The following ARFIP1 variants were observed in gnomAD, a reference collection of about 807,000 sequenced individuals.
The protein encoded by ARFIP1 is ARF interacting protein 1.
A neutral mutation model predicts 42.5 loss-of-function variants in ARFIP1; 24 were observed. That is an observed-to-expected ratio of 0.57 (90% CI 0.41 to 0.80). The LOEUF (loss-of-function observed/expected upper bound fraction) is 0.80, where lower values mean the gene tolerates loss of function less well. Among genes scored for constraint, ARFIP1 ranks in the 30% least tolerant of loss-of-function variants. ARFIP1 has a pLI of 0.00. For missense variants in ARFIP1, 354 were observed against 434.0 expected, an observed-to-expected ratio of 0.82 and a Z score of 1.64; for synonymous variants, 141 against 153.7, an observed-to-expected ratio of 0.92 and a Z score of 0.61.
intron 8 of ARFIP1, among the ~76,000 whole-genome samples, chr4:152,904,178 G>GTA (rs1167902273): frequency 4.9e-5 from 6 of 122,234 alleles, no homozygotes; most frequent in Admixed American, 1.7e-4. Flanking sequence ...ATGTGTGTGT[G>GTA]TGTATATATA....
chr4:152,820,861 A>G (rs1578867756), intron 1 of ARFIP1, among the ~76,000 whole-genome samples: 3 of 152,328 alleles, frequency 2.0e-5, no homozygotes, highest in East Asian at 1.9e-4. Context: ...AAGACTCTAC[A>G]TAACCAAGGA....
rs1730376045 is a variant in ARFIP1 at position 152,779,968 on chromosome 4, C to T, written c.-268C>T. The T allele has an allele frequency of 6.6e-6, 1 of 152,580 alleles. No individual in the cohort carries two copies. Among genetic ancestry groups the T allele is most frequent in the East Asian group, 1.9e-4 (1 of 5,188 alleles). 9.5% of individuals were successfully genotyped at this position (152,580 alleles called of 1,614,324 possible). ...CTACTTCCGGTCTCCTCACTTCCGG[C>T]TTCGCTGCTCTTGGTTCTGGTTCTG... On this transcript the variant is annotated 5_prime_UTR_variant, in exon 1 of 9. Transcript: ENST00000353617.
intron 8 of ARFIP1, 129 bp from the exon 9 acceptor site, chr4:152,909,935 C>T (rs891115342): frequency 9.2e-6 from 11 of 1,198,420 alleles, no homozygotes; most frequent in Admixed American, 2.3e-5. Flanking sequence ...GTGTGAAATA[C>T]TTGGTCATTA....
intron 8 of ARFIP1, among the ~76,000 whole-genome samples, chr4:152,907,626 G>T (rs1738478188): frequency 6.6e-6 from 1 of 152,128 alleles, no homozygotes; most frequent in Admixed American, 6.5e-5. Context: ...TGAACTCTAT[G>T]TAAGTGGAAT....
intron 2 of ARFIP1, among the ~76,000 whole-genome samples, chr4:152,837,678 G>T (rs1561132864): frequency 6.6e-6 from 1 of 152,112 alleles, no homozygotes; most frequent in Non-Finnish European, 1.5e-5. Context: ...CTGGATATTA[G>T]TCCTTTGTCA....
chr4:152,859,610 C>T lies in ARFIP1; in HGVS notation c.94-3996C>T, dbSNP rs535151364. 1.8e-4 allele frequency among the ~76,000 whole-genome samples: 28 copies of T among 152,198 alleles called. No individual in the cohort carries two copies. The South Asian group carries it at 4.2e-3, about 23-fold the overall frequency. ...TCTTTGTTTATGAAAACATTCCTAT[C>T]CCTACTGAAGGTACTTATTTTTAAT... On this transcript the variant is annotated intron_variant, in intron 2 of 8. Transcript: ENST00000353617.
chr4:152,794,793 A>G (rs1014483432), intron 1 of ARFIP1, among the ~76,000 whole-genome samples: 6 of 152,110 alleles, frequency 3.9e-5, no homozygotes, highest in South Asian at 2.1e-4. Context: ...CAGATTGTTT[A>G]TATCAATATG....
chr4:152,838,168 T>C (rs1454189629), intron 2 of ARFIP1, among the ~76,000 whole-genome samples: 2 of 152,202 alleles, frequency 1.3e-5, no homozygotes, highest in African/African-American at 4.8e-5. Flanking sequence ...CACACTGTTT[T>C]GGTGATGGCT....
At chr4:152,834,707 G>A (rs1325336383) in intron 2 of ARFIP1, among the ~76,000 whole-genome samples, 1 of 152,226 alleles carries the variant, frequency 6.6e-6, no homozygotes. Flanking sequence ...TTGAGTGCCT[G>A]TGCCTTTTCC....
At chr4:152,858,398 C>A (rs1246695659) in intron 2 of ARFIP1, among the ~76,000 whole-genome samples, 1 of 152,130 alleles carries the variant, frequency 6.6e-6, no homozygotes, top group Non-Finnish European at 1.5e-5. Flanking sequence ...ATTCTGAATT[C>A]TTCTGATACT....
chr4:152,801,144 G>T (rs1269202681), intron 1 of ARFIP1, among the ~76,000 whole-genome samples: 1 of 152,076 alleles, frequency 6.6e-6, no homozygotes, highest in Non-Finnish European at 1.5e-5. Context: ...AAAGATATAC[G>T]TAAGTTATTT....
intron 2 of ARFIP1, among the ~76,000 whole-genome samples, chr4:152,832,847 C>CA (rs1288333985): frequency 2.6e-5 from 4 of 151,906 alleles, no homozygotes; most frequent in African/African-American, 7.3e-5. Flanking sequence ...TATACATATG[C>CA]AAAAAAATTA....
rs56845391 is a variant in ARFIP1, at chr4:152,795,820, A to ATTTTTTTTTTTTTTTTTTTT, written c.-10+15607_-10+15626dup. On this transcript the variant is annotated intron_variant, in intron 1 of 8. Transcript: ENST00000353617. Reference sequence around the variant, plus strand: ...CGATTGTTACTTGAGGGCCCTTGTAATTTTTTTTTTTTTTTTTTTTTTTTT... The same window carrying ATTTTTTTTTTTTTTTTTTTT: ...CGATTGTTACTTGAGGGCCCTTGTAATTTTTTTTTTTTTTTTTTTTTTTTTTTTTTTTTTTTTTTTTTTTT... 2.0e-3 allele frequency among the ~76,000 whole-genome samples: 55 copies of ATTTTTTTTTTTTTTTTTTTT among 28,060 alleles called. 1 individual carries two copies. Among genetic ancestry groups the ATTTTTTTTTTTTTTTTTTTT allele is most frequent in the South Asian group, 3.5e-3 (2 of 576 alleles). The allele number at this position is 28,060 out of a possible 152,430, so 18.4% of individuals were successfully genotyped here. A position where few individuals can be genotyped will look rare whatever the true frequency, so the allele number is the denominator to read the frequency against.
chr4:152,837,485 G>A (rs567939107), intron 2 of ARFIP1, among the ~76,000 whole-genome samples: 1 of 152,300 alleles, frequency 6.6e-6, no homozygotes, highest in South Asian at 2.1e-4. Context: ...GGAGTGAGGT[G>A]ATATTGCGTT....
chr4:152,812,300 T>A (rs1283412537), intron 1 of ARFIP1, among the ~76,000 whole-genome samples: 1 of 152,174 alleles, frequency 6.6e-6, no homozygotes, highest in Non-Finnish European at 1.5e-5. Context: ...GGTTAAGCAA[T>A]CCTTCCACCT....
At chr4:152,908,175 C>T (rs1579058964) in intron 8 of ARFIP1, among the ~76,000 whole-genome samples, 1 of 152,102 alleles carries the variant, frequency 6.6e-6, no homozygotes, top group East Asian at 1.9e-4. Context: ...GTTATTTGCT[C>T]TTTTTTAATT....
At chr4:152,817,076 A>G (rs1444178519) in intron 1 of ARFIP1, among the ~76,000 whole-genome samples, 2 of 152,228 alleles carry the variant, frequency 1.3e-5, no homozygotes, top group African/African-American at 4.8e-5. Context: ...TCTCATGCAC[A>G]TTGCCCACAA....
At chr4:152,819,938 G>A (rs1282730386) in intron 1 of ARFIP1, among the ~76,000 whole-genome samples, 1 of 152,116 alleles carries the variant, frequency 6.6e-6, no homozygotes, top group Non-Finnish European at 1.5e-5. Context: ...CATCCACATA[G>A]GAGGAGTGCC....
At chr4:152,837,546 T>C (rs1731752958) in intron 2 of ARFIP1, among the ~76,000 whole-genome samples, 1 of 152,246 alleles carries the variant, frequency 6.6e-6, no homozygotes, top group African/African-American at 2.4e-5. Context: ...GAGCATTTTT[T>C]CATATGTTTG....
Sources: allele counts gnomAD v4.1 joint callset (sites outside exome capture counted in the v4.1 genomes callset), GRCh38; gene constraint gnomAD v4.1.1; transcripts MANE v1.5; gene names NCBI Gene and HGNC (gene_info 2026-07-23, HGNC 2026-07-21).